Variants in GBP4 observed in about 807,000 individuals in gnomAD.
The protein encoded by GBP4 is guanylate binding protein 4, also known as guanylate-binding protein 4.
A neutral mutation model predicts 62.2 loss-of-function variants in GBP4; 69 were observed. That is an observed-to-expected ratio of 1.11 (90% confidence interval 0.91 to 1.36). The LOEUF is 1.36. GBP4 is among the 40% of genes most tolerant of loss of function. The pLI is 0.00. For missense variants in GBP4, 697 were observed against 759.3 expected (o/e 0.92, Z 0.96); for synonymous variants, 278 against 274.6 (o/e 1.01, Z -0.12).
At chr1:89,188,110 A>G (rs1261042844) in intron 8 of GBP4, among the ~76,000 whole-genome samples, 1 of 152,206 alleles carries the variant, frequency 6.6e-6, no homozygotes, top group Non-Finnish European at 1.5e-5. Context: ...TCCGAGAATC[A>G]AACTGATAAT....
rs760528342 is a variant in GBP4 at position 89,190,161 on chromosome 1, C to T, written c.1074G>A (p.Arg358=). The T allele has an allele frequency of 1.2e-6, 2 of 1,614,136 alleles. No individual in the cohort carries two copies. The highest frequency in any genetic ancestry group is 1.7e-6 in the Non-Finnish European group (2 of 1,180,038). ...HYSQQMAQQL[R]LPTDTLQELL... is the part of the protein sequence containing the mutation. ...GCTCCTGGAGCGTGTCTGTGGGGAG[C>T]CTCAGTTGCTGGGCCATCTGCTGGC... Residue 358 remains arginine (R), a synonymous_variant, in exon 7 of 11, where the codon AGG becomes AGA. Coordinates refer to ENST00000355754, the MANE Select transcript of GBP4 (RefSeq NM_052941.5).
In GBP4 at chr1:89,193,375, G is replaced by A. The variant is rs1161649372; in HGVS notation, c.401C>T (p.Ala134Val). 1.9e-6 allele frequency: 3 copies of A among 1,614,206 alleles called. No individual in the cohort carries two copies. In the South Asian group the frequency reaches 3.3e-5, roughly 18 times the overall value. ...PKNDSWIFAL[A>V]VLLSSSFVYN... ...GACAAAGCTGCTGCTTAGAAGCACA[G>A]CCAGGGCAAAGATCCACGAGTCATT... Residue 134 changes from alanine (A) to valine (V), a missense_variant, in exon 4 of 11, where the codon GCT becomes GTT. Physicochemically the swap from Ala to Val is moderately conservative, Grantham distance 64. Around this residue, in one of 2 missense-constraint regions of GBP4, gnomAD observed 556 missense variants for 562.7 expected, o/e 0.99. Transcript: ENST00000355754.
chr1:89,185,308 A>G lies in GBP4; in HGVS notation c.1869T>C (p.Pro623=), dbSNP rs1037833799. Residue 623 remains proline, a synonymous_variant, in exon 11 of 11, where the codon CCT becomes CCC. Transcript: ENST00000355754. ...CTACTCCAAGTAGCTTGGAAGCCCC[A>G]GGTAGAGTGACAATCATTATGTTGC... ...MASNIMIVTL[P]GASKLLGVGT... 7 of 1,613,574 alleles carry G rather than the reference A, an allele frequency of 4.3e-6. No individual in the cohort carries two copies. The African/African-American group carries it at 9.3e-5, about 22-fold the overall frequency.
At position 89,197,272 on chromosome 1, in the gene GBP4, G is replaced by C. The variant is rs767155638; in HGVS notation, c.73C>G (p.Pro25Ala). Reference protein sequence around the residue: ...YPESESIMMAPICLVENQEEQ... With the variant: ...YPESESIMMAAICLVENQEEQ... ...TCCTGGTTTTCCACTAGACAAATGG[G>C]GGCCATCATGATGGATTCAGATTCT... is the stretch of plus-strand genomic sequence containing the variant. The change falls in exon 2 of 11, where the codon CCC (proline) becomes GCC (alanine). Residue 25 changes from proline (P) to alanine (A), a missense_variant. By Grantham distance (27) the Pro-to-Ala change is conservative. This residue lies in a region of GBP4 where 556 missense variants were observed against 562.7 expected (regional missense o/e 0.99). Coordinates refer to ENST00000355754, the MANE Select transcript of GBP4 (RefSeq NM_052941.5). The C allele has an allele frequency of 1.9e-6, 3 of 1,613,750 alleles. No individual in the cohort carries two copies. In the African/African-American group the frequency reaches 4.0e-5, roughly 22 times the overall value.
At chr1:89,194,272 G>A (rs897868139) in intron 3 of GBP4, among the ~76,000 whole-genome samples, 8 of 152,086 alleles carry the variant, frequency 5.3e-5, no homozygotes, top group Admixed American at 5.2e-4. Flanking sequence ...GACATGAAAG[G>A]GTTTTTAAAA....
chr1:89,193,602 C>T (rs937713707), intron 3 of GBP4, among the ~76,000 whole-genome samples, 190 bp from the exon 4 acceptor site: 1 of 152,170 alleles, frequency 6.6e-6, no homozygotes, highest in African/African-American at 2.4e-5. Flanking sequence ...GCTATCGGTT[C>T]ATTTAGCAGA....
chr1:89,187,788 T>A (rs888474485), intron 8 of GBP4, among the ~76,000 whole-genome samples: 1 of 152,166 alleles, frequency 6.6e-6, no homozygotes, highest in Non-Finnish European at 1.5e-5. Context: ...CAGTGACATT[T>A]TATCTCACAC....
chr1:89,195,913 C>T (rs1384480786), intron 2 of GBP4, among the ~76,000 whole-genome samples: 3 of 152,202 alleles, frequency 2.0e-5, no homozygotes, highest in Non-Finnish European at 2.9e-5. Context: ...ATACATTCTA[C>T]AGGGCAGCAC....
intron 6 of GBP4, among the ~76,000 whole-genome samples, 160 bp downstream of exon 6, chr1:89,191,101 C>A (rs1369929558): frequency 6.6e-6 from 1 of 152,128 alleles, no homozygotes; most frequent in East Asian, 1.9e-4. Context: ...CATGAGTAAA[C>A]TTTAATTAAG....
At chr1:89,193,956 A>G (rs1648259259) in intron 3 of GBP4, among the ~76,000 whole-genome samples, 2 of 152,200 alleles carry the variant, frequency 1.3e-5, no homozygotes, top group Non-Finnish European at 2.9e-5. Context: ...TAAAACAAAT[A>G]AAAAGAAGGG....
In GBP4 at chr1:89,193,424, A is replaced by G. The variant is rs1229545300; in HGVS notation, c.364-12T>C. ...TTCTTAGGGTTACTCTAGAAAGCAT[A>G]TAAAGCAAAAGACTTAGGAGTATTC... On this transcript the variant is annotated splice_polypyrimidine_tract_variant and intron_variant, in intron 3 of 10. Coordinates refer to ENST00000355754, the MANE Select transcript of GBP4 (RefSeq NM_052941.5). 1 of 1,603,948 alleles carries G rather than the reference A, an allele frequency of 6.2e-7. No individual in the cohort carries two copies.
At chr1:89,195,225 A>G in intron 3 of GBP4, 72 bp downstream of exon 3, 1 of 1,505,250 alleles carries the variant, frequency 6.6e-7, no homozygotes, top group Non-Finnish European at 9.1e-7. Context: ...AGATATGTAC[A>G]GAAGTTGAAG....
rs1648418401 is a variant in GBP4 at position 89,198,859 on chromosome 1, C to T, written c.-25G>A. The T allele has an allele frequency of 1.9e-6, 3 of 1,611,136 alleles. No individual in the cohort carries two copies. The highest frequency in any genetic ancestry group is 1.7e-5 in the Admixed American group (1 of 59,996). The stretch of plus-strand genomic sequence containing the variant: ...TTGCTCTGTCCTCCTGCGCCTGGAT[C>T]CTCGAGAAACGGACTGTTCTTAGAA... On this transcript the variant is annotated 5_prime_UTR_variant, in exon 1 of 11. Coordinates refer to ENST00000355754, the MANE Select transcript of GBP4 (RefSeq NM_052941.5).
rs367618325 is a variant in GBP4 at position 89,192,987 on chromosome 1, C to A, written c.587G>T (p.Arg196Leu). ...TAACTTTAGCTCCAGGGTAAAATCC[C>A]GAACAGTCCAAATAAAGTCTGGAAA... ...SFFPDFIWTV[R>L]DFTLELKLDG... The change falls in exon 5 of 11, where the codon CGG (arginine) becomes CTG (leucine). Residue 196 changes from arginine (R) to leucine (L), a missense_variant. By Grantham distance (102) the Arg-to-Leu change is moderately radical. Coordinates refer to ENST00000355754, the MANE Select transcript of GBP4 (RefSeq NM_052941.5). 2 of 1,614,110 alleles carry A rather than the reference C, an allele frequency of 1.2e-6. No individual in the cohort carries two copies. The highest frequency in any genetic ancestry group is 4.5e-5 in the East Asian group (2 of 44,876).
At chr1:89,187,961 A>G (rs766940563) in intron 8 of GBP4, among the ~76,000 whole-genome samples, 10 of 152,204 alleles carry the variant, frequency 6.6e-5, no homozygotes, top group Non-Finnish European at 1.3e-4. Flanking sequence ...TGAGTTTCCA[A>G]TGGCTGTCAA....
At chr1:89,192,252 A>G (rs1648206028) in intron 5 of GBP4, among the ~76,000 whole-genome samples, 1 of 152,244 alleles carries the variant, frequency 6.6e-6, no homozygotes, top group Non-Finnish European at 1.5e-5. Flanking sequence ...ACTCTGCTAA[A>G]TATAGTCTGT....
rs752012458 is a variant in GBP4 at position 89,187,126 on chromosome 1, G to A, written c.1411-24C>T. 2.5e-6 allele frequency: 4 copies of A among 1,595,544 alleles called. No individual in the cohort carries two copies. In the South Asian group the frequency reaches 4.4e-5, roughly 18 times the overall value. ...GCCTGAGGAACCAAGAAAGAGCAAA[G>A]ACCTGTCAGGCAGCAAAGGTCTCAT... On this transcript the variant is annotated intron_variant, in intron 8 of 10. Coordinates refer to ENST00000355754, the MANE Select transcript of GBP4 (RefSeq NM_052941.5).
chr1:89,190,685 A>G (rs1292929900), intron 6 of GBP4, among the ~76,000 whole-genome samples: 1 of 151,956 alleles, frequency 6.6e-6, no homozygotes, highest in Non-Finnish European at 1.5e-5. Context: ...CCAAATAAAA[A>G]TGCAAGTCCC....
intron 5 of GBP4, among the ~76,000 whole-genome samples, chr1:89,192,512 G>A (rs1352163547): frequency 6.6e-6 from 1 of 152,092 alleles, no homozygotes; most frequent in Non-Finnish European, 1.5e-5. Flanking sequence ...GTGATTCTGT[G>A]TTTACCAGCT....
Sources: gnomAD v4.1 joint callset for allele counts (sites outside exome capture counted in the v4.1 genomes callset) on GRCh38, gnomAD v4.1.1 for gene constraint, gnomAD v4.1.1 regional missense constraint, MANE v1.5 for transcripts, NCBI Gene and HGNC (gene_info 2026-07-23, HGNC 2026-07-21) for gene names.